Variants in DGKB observed in about 807,000 individuals in gnomAD.
DGKB encodes 90 kDa diacylglycerol kinase.
Under a neutral mutation model 114.3 loss-of-function variants are expected in DGKB, and 67 were observed. The observed-to-expected ratio is 0.59, with a 90% confidence interval of 0.48 to 0.72. The LOEUF (loss-of-function observed/expected upper bound fraction) is 0.72. DGKB is among the 30% of genes least tolerant of loss of function. The probability of loss-of-function intolerance (pLI) is 0.00; values close to 1 mark genes in which losing one functional copy is unlikely to be tolerated. For missense variants in DGKB, 907 were observed against 975.2 expected, an observed-to-expected ratio of 0.93 and a Z score of 0.93; for synonymous variants, 398 against 323.1, an observed-to-expected ratio of 1.23 and a Z score of -2.49.
At chr7:14,318,690 G>A (rs529098049) in intron 23 of DGKB, among the ~76,000 whole-genome samples, 1 of 152,112 alleles carries the variant, frequency 6.6e-6, no homozygotes, top group South Asian at 2.1e-4. Flanking sequence ...CTGTTGGTGG[G>A]ACTGTAAACT....
Position 14,755,732 on chromosome 7 carries a change from A to G in DGKB, c.148-1784T>C, listed in dbSNP as rs886849509. On this transcript the variant is annotated intron_variant, in intron 3 of 25. Transcript: ENST00000402815. ...CATTAGATATTCTTAATTATTTTCAATTGGCTTTTAGAAGATACATACTAG... is the reference window on the plus strand; with the variant it reads ...CATTAGATATTCTTAATTATTTTCAGTTGGCTTTTAGAAGATACATACTAG... Among the ~76,000 whole-genome samples, 5 of 152,240 alleles carry G rather than the reference A, an allele frequency of 3.3e-5. No individual in the cohort carries two copies. In the East Asian group the frequency reaches 7.7e-4, roughly 23 times the overall value.
chr7:14,273,859 A>G (rs1461908461), intron 23 of DGKB, among the ~76,000 whole-genome samples: 1 of 152,202 alleles, frequency 6.6e-6, no homozygotes, highest in Admixed American at 6.5e-5. Flanking sequence ...TGTGTGCAAA[A>G]AAGATGTCTG....
intron 1 of DGKB, among the ~76,000 whole-genome samples, chr7:14,871,155 G>C (rs1436854496): frequency 1.3e-5 from 2 of 152,038 alleles, no homozygotes; most frequent in Non-Finnish European, 2.9e-5. Flanking sequence ...TATTTATGGG[G>C]TAAAATGTGA....
rs188863243 is a variant in DGKB at position 14,929,831 on chromosome 7, C to A, written c.-188+44865G>T. Among the ~76,000 whole-genome samples, 410 of 152,132 alleles carry A rather than the reference C, an allele frequency of 2.7e-3. 1 individual carries two copies. The highest frequency in any genetic ancestry group is 9.5e-3 in the African/African-American group (395 of 41,518). On this transcript the variant is annotated intron_variant, in intron 1 of 4. Coordinates refer to the DGKB transcript ENST00000437998. ...TCCAGAAAAATTTTCCCTAAGTTTT[C>A]TTCTAGTATTATTGTAGTTTATGGT...
intron 1 of DGKB, among the ~76,000 whole-genome samples, chr7:14,845,606 G>C (rs577559543): frequency 1.3e-5 from 2 of 152,124 alleles, no homozygotes; most frequent in African/African-American, 4.8e-5. Flanking sequence ...CCAGTGCTTA[G>C]AAGAGTGCTT....
At chr7:14,494,390 T>G (rs1295244491) in intron 20 of DGKB, among the ~76,000 whole-genome samples, 1 of 152,108 alleles carries the variant, frequency 6.6e-6, no homozygotes, top group African/African-American at 2.4e-5. Flanking sequence ...CTACACTTAG[T>G]GATTCAAACG....
At chr7:14,780,385 T>C (rs1332402388) in intron 2 of DGKB, among the ~76,000 whole-genome samples, 1 of 152,210 alleles carries the variant, frequency 6.6e-6, no homozygotes, top group Non-Finnish European at 1.5e-5. Context: ...TACTTTTTTA[T>C]TCTACAGTTT....
chr7:14,733,879 A>G (rs1209203302), intron 5 of DGKB, among the ~76,000 whole-genome samples: 1 of 152,130 alleles, frequency 6.6e-6, no homozygotes, highest in East Asian at 1.9e-4. Context: ...GGGAAGCAGT[A>G]CAACATAAGG....
intron 1 of DGKB, among the ~76,000 whole-genome samples, chr7:14,962,758 C>T (rs1786931643): frequency 6.6e-6 from 1 of 151,864 alleles, no homozygotes; most frequent in South Asian, 2.1e-4. Context: ...AAGTGAGATA[C>T]AATTTTTCCT....
chr7:14,692,971 A>G (rs1336436458), intron 9 of DGKB, among the ~76,000 whole-genome samples: 1 of 152,132 alleles, frequency 6.6e-6, no homozygotes, highest in Non-Finnish European at 1.5e-5. Context: ...TCCTAAACCC[A>G]TATGTGCCAA....
chr7:14,311,199 T>C (rs149281001), intron 23 of DGKB, among the ~76,000 whole-genome samples: 43 of 152,232 alleles, frequency 2.8e-4, no homozygotes, highest in Middle Eastern at 6.8e-3. Flanking sequence ...ATACTCCTAA[T>C]AGAATGAAGG....
At chr7:14,397,221 A>C (rs1822353535) in intron 21 of DGKB, among the ~76,000 whole-genome samples, 1 of 152,286 alleles carries the variant, frequency 6.6e-6, no homozygotes, top group South Asian at 2.1e-4. Flanking sequence ...TGAAGAGCTA[A>C]AGTTACAAAT....
chr7:14,679,216 A>G (rs1464317520), intron 12 of DGKB, among the ~76,000 whole-genome samples: 1 of 151,968 alleles, frequency 6.6e-6, no homozygotes, highest in African/African-American at 2.4e-5. Flanking sequence ...TGTGCACCCA[A>G]ATGTATTTAT....
chr7:14,531,895 G>C (rs190705265), intron 20 of DGKB, among the ~76,000 whole-genome samples: 26 of 151,086 alleles, frequency 1.7e-4, no homozygotes, highest in African/African-American at 6.0e-4. Context: ...AGATTTTTGA[G>C]AAGGGCATCA....
At chr7:14,205,683 C>T (rs1786675658) in intron 23 of DGKB, among the ~76,000 whole-genome samples, 1 of 151,978 alleles carries the variant, frequency 6.6e-6, no homozygotes, top group African/African-American at 2.4e-5. Flanking sequence ...TCTTTCCAAT[C>T]ACCCAAGTCC....
intron 17 of DGKB, among the ~76,000 whole-genome samples, chr7:14,599,000 T>G (rs1803071162): frequency 6.6e-6 from 1 of 152,226 alleles, no homozygotes; most frequent in African/African-American, 2.4e-5. Context: ...AAGTTGTCAC[T>G]TGTTTTTGTG....
chr7:14,515,543 C>G (rs914857144), intron 20 of DGKB, among the ~76,000 whole-genome samples: 2 of 152,050 alleles, frequency 1.3e-5, no homozygotes, highest in Non-Finnish European at 2.9e-5. Context: ...AGTTGGATAT[C>G]AACAGATTTC....
chr7:14,594,343 A>T (rs1342447035), intron 17 of DGKB, among the ~76,000 whole-genome samples: 1 of 151,782 alleles, frequency 6.6e-6, no homozygotes, highest in Non-Finnish European at 1.5e-5. Flanking sequence ...GTGTACTGAT[A>T]TGCATATATA....
rs544360386 is a variant in DGKB at position 14,447,874 on chromosome 7, T to A, written c.1835+30287A>T. The stretch of plus-strand genomic sequence containing the variant: ...CCTAATTTCCGCAGTTCACTGGGAA[T>A]TTTAGATGATTTAATCTGATTTTTA... On this transcript the variant is annotated intron_variant, in intron 21 of 25. Coordinates refer to ENST00000402815, the MANE Select transcript of DGKB (RefSeq NM_001350709.2). Among the ~76,000 whole-genome samples the A allele has an allele frequency of 3.8e-3, 583 of 152,190 alleles. 4 individuals carry two copies. The highest frequency in any genetic ancestry group is 0.014 in the African/African-American group (566 of 41,548).
Sources: allele counts gnomAD v4.1 joint callset (sites outside exome capture counted in the v4.1 genomes callset), GRCh38; gene constraint gnomAD v4.1.1; transcripts MANE v1.5; gene names NCBI Gene and HGNC (gene_info 2026-07-23, HGNC 2026-07-21).